Variants in KIAA1217 observed in about 807,000 individuals in gnomAD.
KIAA1217 encodes KIAA1217, also known as sickle tail protein homolog.
In KIAA1217, 88 loss-of-function variants were observed where a neutral mutation model predicts 163.9. The ratio of observed to expected loss-of-function variants is 0.54; its 90% CI spans 0.45 to 0.64. The LOEUF is 0.64. Among genes scored for constraint, KIAA1217 ranks in the 30% least tolerant of loss-of-function variants. KIAA1217 has a pLI of 0.00. For missense variants in KIAA1217, 2,372 were observed against 2,475.0 expected (o/e 0.96, Z 0.88); for synonymous variants, 903 against 923.1 (o/e 0.98, Z 0.39).
chr10:23,760,818 A>C (rs1009950133), intron 1 of KIAA1217, among the ~76,000 whole-genome samples: 17 of 152,134 alleles, frequency 1.1e-4, no homozygotes, highest in African/African-American at 3.6e-4. Flanking sequence ...GTATCAGCAT[A>C]CGTTTATGTT....
chr10:24,033,802 T>A (rs1045420187), intron 2 of KIAA1217, among the ~76,000 whole-genome samples: 2 of 152,158 alleles, frequency 1.3e-5, no homozygotes, highest in Non-Finnish European at 2.9e-5. Context: ...ACAAACAAAG[T>A]TTTATTGGAA....
intron 1 of KIAA1217, among the ~76,000 whole-genome samples, chr10:23,896,307 A>G (rs1841698147): frequency 6.6e-6 from 1 of 152,052 alleles, no homozygotes; most frequent in Non-Finnish European, 1.5e-5. Flanking sequence ...TTGTTTCAGC[A>G]AGTAAAAAGC....
intron 2 of KIAA1217, among the ~76,000 whole-genome samples, chr10:24,359,082 C>CTTTTTTTTTTTTTTTTTTTTTTTTTTT (rs202024336): frequency 3.7e-5 from 3 of 81,532 alleles, no homozygotes; most frequent in Admixed American, 1.3e-4. Context: ...TTCTTTCTTT[C>CTTTTTTTTTTTTTTTTTTTTTTTTTTT]TTTTTTTTTT....
intron 16 of KIAA1217, among the ~76,000 whole-genome samples, chr10:24,535,958 T>C (rs2073946525): frequency 6.6e-6 from 1 of 152,168 alleles, no homozygotes; most frequent in Non-Finnish European, 1.5e-5. Flanking sequence ...GGGTGGTATA[T>C]AGCCTGGTTG....
intron 1 of KIAA1217, among the ~76,000 whole-genome samples, chr10:23,755,597 A>G (rs1466198870): frequency 6.6e-6 from 1 of 152,194 alleles, no homozygotes; most frequent in Non-Finnish European, 1.5e-5. Flanking sequence ...TGTGAATGCA[A>G]AGCAAAAACA....
intron 1 of KIAA1217, among the ~76,000 whole-genome samples, chr10:23,719,599 T>TAAATAAATAAATAAATAAACAAAC (rs1338495673): frequency 1.4e-5 from 2 of 147,858 alleles, no homozygotes; most frequent in African/African-American, 5.0e-5. Flanking sequence ...AATAAATAAA[T>TAAATAAATAAATAAATAAACAAAC]AAATAAATAA....
intron 1 of KIAA1217, among the ~76,000 whole-genome samples, chr10:23,833,521 A>G (rs1490162896): frequency 6.6e-6 from 1 of 151,026 alleles, no homozygotes; most frequent in Non-Finnish European, 1.5e-5. Flanking sequence ...ATCTTTCCTT[A>G]GCATTTTGAT....
chr10:24,356,286 C>A (rs1250487578), intron 2 of KIAA1217, among the ~76,000 whole-genome samples: 1 of 152,106 alleles, frequency 6.6e-6, no homozygotes, highest in Non-Finnish European at 1.5e-5. Context: ...GTTTAGTTGC[C>A]CCAGTACAAA....
chr10:23,877,789 G>T (rs533483982), intron 1 of KIAA1217, among the ~76,000 whole-genome samples: 3 of 152,064 alleles, frequency 2.0e-5, no homozygotes, highest in South Asian at 2.1e-4. Flanking sequence ...TAGTTGGCTA[G>T]CATCTGTTTT....
intron 1 of KIAA1217, among the ~76,000 whole-genome samples, chr10:23,840,090 C>T (rs540988221): frequency 2.6e-5 from 4 of 151,976 alleles, no homozygotes; most frequent in Non-Finnish European, 4.4e-5. Context: ...GTTCTGTCCA[C>T]ATTTGGTTGG....
chr10:23,875,408 C>G (rs1460142052), intron 1 of KIAA1217, among the ~76,000 whole-genome samples: 1 of 151,836 alleles, frequency 6.6e-6, no homozygotes, highest in Non-Finnish European at 1.5e-5. Context: ...TGGTTGTGTT[C>G]CAGGATATCC....
At chr10:23,902,946 G>A (rs1310602717) in intron 1 of KIAA1217, among the ~76,000 whole-genome samples, 1 of 151,974 alleles carries the variant, frequency 6.6e-6, no homozygotes, top group Non-Finnish European at 1.5e-5. Flanking sequence ...AGAGGGAAGG[G>A]GGATTCTTAA....
chr10:24,135,877 C>T (rs2063814511), intron 2 of KIAA1217, among the ~76,000 whole-genome samples: 1 of 152,140 alleles, frequency 6.6e-6, no homozygotes, highest in Non-Finnish European at 1.5e-5. Flanking sequence ...TTCAGGCAGA[C>T]ATATAAGTAA....
chr10:24,299,314 T>C (rs220370), intron 2 of KIAA1217, among the ~76,000 whole-genome samples: 50,945 of 152,124 alleles, frequency 0.33, 9,565 homozygotes, highest in Non-Finnish European at 0.43. Flanking sequence ...TTCCCTGTAC[T>C]CTTGGCTTTG....
At chr10:24,424,245 C>A (rs927141073) in intron 3 of KIAA1217, among the ~76,000 whole-genome samples, 6 of 152,200 alleles carry the variant, frequency 3.9e-5, no homozygotes, top group Admixed American at 2.0e-4. Flanking sequence ...TTACTGACAT[C>A]AGAAGGTATC....
intron 2 of KIAA1217, among the ~76,000 whole-genome samples, chr10:24,020,737 C>G (rs867204374): frequency 6.6e-6 from 1 of 151,750 alleles, no homozygotes; most frequent in Non-Finnish European, 1.5e-5. Flanking sequence ...GGAAGCCAGG[C>G]TGAAAAATAT....
At chr10:24,004,154 A>G (rs1846881433) in intron 1 of KIAA1217, among the ~76,000 whole-genome samples, 1 of 151,720 alleles carries the variant, frequency 6.6e-6, no homozygotes, top group Admixed American at 6.6e-5. Flanking sequence ...TAATTTTTGT[A>G]TTTTAGTAGA....
intron 2 of KIAA1217, among the ~76,000 whole-genome samples, chr10:24,102,627 C>A (rs1439172779): frequency 1.3e-5 from 2 of 152,168 alleles, no homozygotes; most frequent in African/African-American, 4.8e-5. Context: ...CTGACATTCC[C>A]CAACTTCATG....
At chr10:24,248,740 G>T (rs577326546) in intron 2 of KIAA1217, among the ~76,000 whole-genome samples, 2 of 151,300 alleles carry the variant, frequency 1.3e-5, no homozygotes, top group South Asian at 2.1e-4. Flanking sequence ...ATTTGCTGAG[G>T]GTTCATTTTA....
Sources: gnomAD v4.1 joint callset for allele counts (sites outside exome capture counted in the v4.1 genomes callset) on GRCh38, gnomAD v4.1.1 for gene constraint, MANE v1.5 for transcripts, NCBI Gene and HGNC (gene_info 2026-07-23, HGNC 2026-07-21) for gene names.